The following STX8 variants were observed in gnomAD, a reference collection of about 807,000 sequenced individuals.
STX8 encodes the protein syntaxin 8.
STX8 carries 23 observed loss-of-function variants against 37.5 expected under a neutral mutation model. The observed-to-expected ratio is 0.61, with a 90% CI of 0.44 to 0.87. STX8 has a LOEUF of 0.87. Among genes scored for constraint, STX8 ranks in the 40% least tolerant of loss-of-function variants. The probability of loss-of-function intolerance (pLI) is 0.00; values close to 1 mark genes in which losing one functional copy is unlikely to be tolerated. For missense variants in STX8, 313 were observed against 284.7 expected (o/e 1.10, Z -0.71); for synonymous variants, 115 against 99.1 (o/e 1.16, Z -0.95).
chr17:9,415,037 C>T (rs141291408), intron 6 of STX8, among the ~76,000 whole-genome samples: 14,995 of 151,878 alleles, frequency 0.099, 2,308 homozygotes, highest in African/African-American at 0.33. Flanking sequence ...GTGGCCCACC[C>T]GCCTCGGCCT....
intron 7 of STX8, among the ~76,000 whole-genome samples, chr17:9,333,536 C>T (rs548355249): frequency 1.4e-4 from 21 of 152,168 alleles, no homozygotes; most frequent in East Asian, 3.9e-4. Flanking sequence ...TATAGGCGCC[C>T]GCCACCACGC....
intron 4 of STX8, among the ~76,000 whole-genome samples, chr17:9,521,399 C>T (rs1054716670): frequency 1.3e-5 from 2 of 152,160 alleles, no homozygotes; most frequent in East Asian, 1.9e-4. Flanking sequence ...GAAATTGACA[C>T]GACTTCAGGA....
At chr17:9,339,737 A>T (rs2142229262) in intron 7 of STX8, among the ~76,000 whole-genome samples, 1 of 152,266 alleles carries the variant, frequency 6.6e-6, no homozygotes, top group Middle Eastern at 3.4e-3. Flanking sequence ...TTTCTTTATG[A>T]GACAGGAATG....
In STX8 at chr17:9,278,770, C is replaced by T. The variant is rs117276952; in HGVS notation, c.644-28125G>A. On this transcript the variant is annotated intron_variant, in intron 7 of 7. Coordinates refer to ENST00000306357, the MANE Select transcript of STX8 (RefSeq NM_004853.3). Reference sequence around the variant, plus strand: ...GGAGAGAGGAAAGATCACGGGGAGGCGGAGAGCAGGGGAGGGAGATCGGGC... The same window carrying T: ...GGAGAGAGGAAAGATCACGGGGAGGTGGAGAGCAGGGGAGGGAGATCGGGC... Among the ~76,000 whole-genome samples, 1,078 of 151,314 alleles carry T rather than the reference C, an allele frequency of 7.1e-3. 7 individuals carry two copies. Among genetic ancestry groups the T allele is most frequent in the Middle Eastern group, 0.027 (8 of 292 alleles).
At position 9,507,732 on chromosome 17, in the gene STX8, G is replaced by T. The variant is rs1904891809; in HGVS notation, c.324-2570C>A. On this transcript the variant is annotated intron_variant, in intron 4 of 7. Coordinates refer to ENST00000306357, the MANE Select transcript of STX8 (RefSeq NM_004853.3). The surrounding 1 kb of genome is among the most constrained non-coding windows in gnomAD (Gnocchi z 4.0). ...TCGCTGACCTGACAAATAGCCCGGT[G>T]AACACATCCCTGGCAAAGTCATGCC... Among the ~76,000 whole-genome samples, 1 of 152,158 alleles carries T rather than the reference G, an allele frequency of 6.6e-6. No homozygotes were observed.
At chr17:9,304,169 G>C (rs1478669790) in intron 7 of STX8, among the ~76,000 whole-genome samples, 1 of 152,018 alleles carries the variant, frequency 6.6e-6, no homozygotes, top group African/African-American at 2.4e-5. Flanking sequence ...AAATACAAAT[G>C]GTCATTAAAA....
chr17:9,506,613 A>G (rs1020209862), intron 4 of STX8, among the ~76,000 whole-genome samples: 2 of 152,064 alleles, frequency 1.3e-5, no homozygotes, highest in African/African-American at 4.8e-5. Flanking sequence ...GCCTGGACAT[A>G]TGAAGGCCTT....
At chr17:9,340,477 T>C (rs940174985) in intron 7 of STX8, among the ~76,000 whole-genome samples, 1 of 152,180 alleles carries the variant, frequency 6.6e-6, no homozygotes, top group Non-Finnish European at 1.5e-5. Context: ...AAGGAAAACA[T>C]GATAAACACT....
chr17:9,376,202 C>T lies in STX8; in HGVS notation c.643+2350G>A, dbSNP rs145083800. 3.0e-4 allele frequency among the ~76,000 whole-genome samples: 46 copies of T among 152,254 alleles called. No individual in the cohort carries two copies. The East Asian group carries it at 5.2e-3, about 17-fold the overall frequency. ...AAAGGATTATAAACACACCAATCAG[C>T]GCTCTGTGTCTCGCTAAAGGTTTGA... On this transcript the variant is annotated intron_variant, in intron 7 of 7. Transcript: ENST00000306357.
intron 6 of STX8, among the ~76,000 whole-genome samples, chr17:9,423,222 T>G: frequency 6.6e-6 from 1 of 152,256 alleles, no homozygotes; most frequent in Admixed American, 6.5e-5. Flanking sequence ...ATTAGCACTG[T>G]CAATAAGTGT....
chr17:9,475,829 C>T (rs887106253), intron 6 of STX8, among the ~76,000 whole-genome samples: 3 of 152,202 alleles, frequency 2.0e-5, no homozygotes, highest in African/African-American at 7.2e-5. Context: ...CCCATTTACA[C>T]AGAGTACACA....
chr17:9,370,479 C>T (rs1220493033), intron 7 of STX8, among the ~76,000 whole-genome samples: 1 of 152,190 alleles, frequency 6.6e-6, no homozygotes, highest in Non-Finnish European at 1.5e-5. Flanking sequence ...CTGCATGCTA[C>T]TACTCTTAAC....
intron 4 of STX8, among the ~76,000 whole-genome samples, chr17:9,544,168 G>A (rs1293745295): frequency 2.6e-5 from 4 of 152,140 alleles, no homozygotes; most frequent in East Asian, 3.9e-4. Flanking sequence ...TCCTCTCCAC[G>A]ATAAATGCAT....
chr17:9,307,645 A>G (rs938354250), intron 7 of STX8, among the ~76,000 whole-genome samples: 15 of 151,920 alleles, frequency 9.9e-5, no homozygotes, highest in African/African-American at 3.4e-4. Flanking sequence ...GTTTCCCACT[A>G]TTGTTTATTC....
chr17:9,314,869 C>T (rs1194566534), intron 7 of STX8, among the ~76,000 whole-genome samples: 27 of 150,070 alleles, frequency 1.8e-4, no homozygotes, highest in Non-Finnish European at 2.2e-4. Context: ...TTTGGGAGGC[C>T]GAGGCGGGCA....
Position 9,326,958 on chromosome 17 carries a change from A to G in STX8, c.643+51594T>C, listed in dbSNP as rs1269661801. Among the ~76,000 whole-genome samples the G allele has an allele frequency of 2.6e-5, 4 of 152,246 alleles. No individual in the cohort carries two copies. In the East Asian group the frequency reaches 7.7e-4, roughly 29 times the overall value. On this transcript the variant is annotated intron_variant, in intron 7 of 7. Coordinates refer to ENST00000306357, the MANE Select transcript of STX8 (RefSeq NM_004853.3). ...GCAGATCACCTGATGTCGGGAGTTCAAGACCAGCCTGACCAACAGAGAAAC... is the reference window on the plus strand; with the variant it reads ...GCAGATCACCTGATGTCGGGAGTTCGAGACCAGCCTGACCAACAGAGAAAC...
chr17:9,543,156 T>C (rs1906350144), intron 4 of STX8, among the ~76,000 whole-genome samples: 1 of 152,190 alleles, frequency 6.6e-6, no homozygotes, highest in Non-Finnish European at 1.5e-5. Flanking sequence ...CTGAATGTTT[T>C]GTCCTCTTTC....
chr17:9,441,829 C>A (rs1904670569), intron 6 of STX8, among the ~76,000 whole-genome samples: 1 of 151,892 alleles, frequency 6.6e-6, no homozygotes, highest in African/African-American at 2.4e-5. Flanking sequence ...GCGCCCACCA[C>A]CACGCCCGGC....
At chr17:9,432,980 G>A (rs1439305037) in intron 6 of STX8, among the ~76,000 whole-genome samples, 2 of 152,316 alleles carry the variant, frequency 1.3e-5, no homozygotes, top group East Asian at 1.9e-4. Flanking sequence ...AAGTTGAACT[G>A]GTTCACTCTG....
Sources: allele counts gnomAD v4.1 joint callset (sites outside exome capture counted in the v4.1 genomes callset), GRCh38; gene constraint gnomAD v4.1.1; non-coding constraint Gnocchi (gnomAD v3.1); transcripts MANE v1.5; gene names NCBI Gene and HGNC (gene_info 2026-07-23, HGNC 2026-07-21).